Variants in COL25A1 observed in about 807,000 individuals in gnomAD.
COL25A1 encodes collagen alpha-1(XXV) chain.
Under a neutral mutation model 128.4 loss-of-function variants are expected in COL25A1, and 103 were observed. That is an observed-to-expected ratio of 0.80 (90% CI 0.68 to 0.94). The LOEUF is 0.94. Ranked by LOEUF, COL25A1 falls within the 40% of genes least tolerant of loss-of-function variation. COL25A1 has a pLI of 0.00. For missense variants in COL25A1, 745 were observed against 840.0 expected (o/e 0.89, Z 1.40); for synonymous variants, 279 against 277.2 (o/e 1.01, Z -0.06).
intron 6 of COL25A1, among the ~76,000 whole-genome samples, chr4:108,994,909 G>T (rs1754605871): frequency 6.6e-6 from 1 of 152,152 alleles, no homozygotes; most frequent in African/African-American, 2.4e-5. Flanking sequence ...AAACAGAAAG[G>T]AATAGCATCA....
intron 3 of COL25A1, among the ~76,000 whole-genome samples, chr4:109,138,655 C>G (rs908670802): frequency 6.6e-5 from 10 of 151,912 alleles, no homozygotes; most frequent in Non-Finnish European, 1.2e-4. Flanking sequence ...TCTGTTGTTT[C>G]CTGACTTTTT....
At chr4:109,083,453 T>TAAAA (rs1560659266) in intron 3 of COL25A1, among the ~76,000 whole-genome samples, 2 of 114,932 alleles carry the variant, frequency 1.7e-5, no homozygotes, top group African/African-American at 6.6e-5. Flanking sequence ...AATAAATTTT[T>TAAAA]TTTTTTTTTT....
intron 3 of COL25A1, among the ~76,000 whole-genome samples, chr4:109,270,220 G>A (rs1404141805): frequency 6.6e-6 from 1 of 151,936 alleles, no homozygotes; most frequent in Non-Finnish European, 1.5e-5. Context: ...TTCTGGCCAG[G>A]GCAATTAGGC....
At chr4:109,150,086 T>A (rs1487637038) in intron 3 of COL25A1, among the ~76,000 whole-genome samples, 2 of 151,894 alleles carry the variant, frequency 1.3e-5, no homozygotes, top group East Asian at 3.9e-4. Flanking sequence ...TGTTTGTATG[T>A]CTGTATGTGT....
intron 8 of COL25A1, among the ~76,000 whole-genome samples, chr4:108,954,729 G>A (rs1452602993): frequency 6.6e-6 from 1 of 151,788 alleles, no homozygotes; most frequent in Non-Finnish European, 1.5e-5. Context: ...ATGGTTACAT[G>A]AATTAATTCA....
At chr4:109,109,286 G>T (rs1766763406) in intron 3 of COL25A1, among the ~76,000 whole-genome samples, 1 of 152,138 alleles carries the variant, frequency 6.6e-6, no homozygotes, top group Non-Finnish European at 1.5e-5. Flanking sequence ...TGTCTACCCA[G>T]AAATCGGAAT....
At chr4:108,826,654 G>A (rs570312698) in intron 33 of COL25A1, among the ~76,000 whole-genome samples, 18 of 152,268 alleles carry the variant, frequency 1.2e-4, no homozygotes, top group South Asian at 2.1e-4. Flanking sequence ...ACATCAAGTC[G>A]TCATAAATAT....
intron 3 of COL25A1, among the ~76,000 whole-genome samples, chr4:109,217,399 C>A (rs770757050): frequency 1.3e-5 from 2 of 152,100 alleles, no homozygotes; most frequent in Non-Finnish European, 2.9e-5. Flanking sequence ...AATAATCTAA[C>A]AGCTATTATT....
intron 3 of COL25A1, among the ~76,000 whole-genome samples, chr4:109,175,929 T>C (rs886169902): frequency 6.6e-6 from 1 of 152,240 alleles, no homozygotes; most frequent in Non-Finnish European, 1.5e-5. Context: ...CAGTAAGAGT[T>C]AAACCTTAAC....
intron 3 of COL25A1, among the ~76,000 whole-genome samples, chr4:109,255,478 G>A (rs566509391): frequency 1.8e-4 from 27 of 152,144 alleles, no homozygotes; most frequent in Non-Finnish European, 2.9e-4. Flanking sequence ...TATGTGGAGT[G>A]TCTCTGAATG....
At chr4:109,123,377 C>A (rs1189970538) in intron 3 of COL25A1, among the ~76,000 whole-genome samples, 2 of 151,832 alleles carry the variant, frequency 1.3e-5, no homozygotes, top group African/African-American at 4.8e-5. Context: ...AAAATCATAT[C>A]ATTCTATTAA....
intron 15 of COL25A1, among the ~76,000 whole-genome samples, chr4:108,898,345 C>A (rs1388041523): frequency 6.6e-6 from 1 of 152,048 alleles, no homozygotes; most frequent in African/African-American, 2.4e-5. Context: ...ACATAAACTT[C>A]TTTTGGGATG....
At chr4:109,281,195 T>A (rs1359573664) in intron 3 of COL25A1, among the ~76,000 whole-genome samples, 3 of 152,134 alleles carry the variant, frequency 2.0e-5, no homozygotes, top group South Asian at 4.1e-4. Flanking sequence ...TTAGTTACCA[T>A]TCAATAGTTT....
At chr4:109,038,899 T>C (rs933748495) in intron 5 of COL25A1, among the ~76,000 whole-genome samples, 3 of 152,106 alleles carry the variant, frequency 2.0e-5, no homozygotes, top group Admixed American at 2.0e-4. Flanking sequence ...CTTGAAACAG[T>C]TTCTCAGATG....
chr4:109,022,955 C>T (rs1354120227), intron 5 of COL25A1, among the ~76,000 whole-genome samples: 1 of 152,072 alleles, frequency 6.6e-6, no homozygotes, highest in African/African-American at 2.4e-5. Flanking sequence ...ACTCAGAGAA[C>T]CCAAGAGCAT....
intron 3 of COL25A1, among the ~76,000 whole-genome samples, chr4:109,091,698 T>C (rs1482741791): frequency 6.6e-6 from 1 of 151,254 alleles, no homozygotes; most frequent in Non-Finnish European, 1.5e-5. Flanking sequence ...AGTAAAATAG[T>C]GGCTCAGATA....
At chr4:108,859,381 T>G (rs936764122) in intron 24 of COL25A1, among the ~76,000 whole-genome samples, 3 of 152,124 alleles carry the variant, frequency 2.0e-5, no homozygotes. Flanking sequence ...GAGGCAAAAA[T>G]TGGCCAAACT....
At position 108,931,000 on chromosome 4, in the gene COL25A1, A is replaced by G. The variant is rs539737588; in HGVS notation, c.708+6808T>C. The stretch of plus-strand genomic sequence containing the variant: ...AATTTGATAAGACAGATCAATTATA[A>G]CTTGGTTAATATTCTCATACAAGAG... On this transcript the variant is annotated intron_variant, in intron 11 of 37. Transcript: ENST00000399132. Among the ~76,000 whole-genome samples, 10 of 152,328 alleles carry G rather than the reference A, an allele frequency of 6.6e-5. No individual in the cohort carries two copies. In the South Asian group the frequency reaches 2.1e-3, roughly 32 times the overall value.
At chr4:109,204,092 A>G (rs1776790422) in intron 3 of COL25A1, among the ~76,000 whole-genome samples, 1 of 152,220 alleles carries the variant, frequency 6.6e-6, no homozygotes, top group African/African-American at 2.4e-5. Context: ...AGGAAGGTAA[A>G]TAACAGAAAC....
Sources: gnomAD v4.1 joint callset for allele counts (sites outside exome capture counted in the v4.1 genomes callset) on GRCh38, gnomAD v4.1.1 for gene constraint, MANE v1.5 for transcripts, NCBI Gene and HGNC (gene_info 2026-07-23, HGNC 2026-07-21) for gene names.